RGPD3: variants seen among roughly 807,000 people sequenced by gnomAD.
The protein encoded by RGPD3 is RANBP2 like and GRIP domain containing 3.
RGPD3 carries 62 observed loss-of-function variants against 154.5 expected under a neutral mutation model. That is an observed-to-expected ratio of 0.40 (90% CI 0.33 to 0.50). The LOEUF is 0.50. RGPD3 is among the 20% of genes least tolerant of loss of function. The pLI is 0.59. For missense variants in RGPD3, 919 were observed against 1,716.8 expected (o/e 0.54, Z 8.21); for synonymous variants, 308 against 607.0 (o/e 0.51, Z 7.24).
intron 1 of RGPD3, among the ~76,000 whole-genome samples, chr2:106,461,408 G>A (rs1678400731): frequency 6.6e-6 from 1 of 152,214 alleles, no homozygotes; most frequent in Admixed American, 6.5e-5. Flanking sequence ...GTAACTAGCA[G>A]GTGGGGAGCA....
At position 106,424,297 on chromosome 2, in the gene RGPD3, A is replaced by G. The variant is rs772947675; in HGVS notation, c.3670T>C (p.Ser1224Pro). The G allele has an allele frequency of 5.1e-5, 83 of 1,611,816 alleles. No homozygotes were observed. The highest frequency in any genetic ancestry group is 6.9e-5 in the Non-Finnish European group (81 of 1,179,864). Residue 1224 changes from serine (S) to proline (P), a missense_variant, in exon 20 of 23, where the codon TCA becomes CCA. Physicochemically the swap from Ser to Pro is moderately conservative, Grantham distance 74 (BLOSUM62 -1). Coordinates refer to ENST00000409886, the MANE Select transcript of RGPD3 (RefSeq NM_001144013.2). Reference protein sequence around the residue: ...TKVAEEENKGSGTGAAGASDT... With the variant: ...TKVAEEENKGPGTGAAGASDT... ...GAGGCACCGGCCGCACCTGTACCTG[A>G]ACCCTTATTTTCTTCCTCAGCGACT...
At chr2:106,467,706 G>C (rs1678672707) in intron 1 of RGPD3, among the ~76,000 whole-genome samples, 6 of 143,818 alleles carry the variant, frequency 4.2e-5, no homozygotes, top group African/African-American at 1.6e-4. Context: ...CAGCCGCCGG[G>C]CCAGGTCGAG....
At chr2:106,411,647 T>A (rs1393023412) in intron 22 of RGPD3, among the ~76,000 whole-genome samples, 1 of 151,216 alleles carries the variant, frequency 6.6e-6, no homozygotes, top group African/African-American at 2.4e-5. Context: ...GCCAACATGG[T>A]GAAACCTCGT....
intron 21 of RGPD3, among the ~76,000 whole-genome samples, chr2:106,415,062 G>GC (rs771277202): frequency 6.6e-6 from 1 of 151,856 alleles, no homozygotes; most frequent in Non-Finnish European, 1.5e-5. Flanking sequence ...TTATCAGTGA[G>GC]CCAGGGTGGA....
At chr2:106,415,347 T>C (rs1676791974) in intron 21 of RGPD3, among the ~76,000 whole-genome samples, 2 of 151,840 alleles carry the variant, frequency 1.3e-5, no homozygotes, top group African/African-American at 4.8e-5. Context: ...TTAGGAAAAG[T>C]AGGAATTAAG....
chr2:106,418,765 A>T (rs1676891258), intron 20 of RGPD3, among the ~76,000 whole-genome samples: 3 of 148,254 alleles, frequency 2.0e-5, no homozygotes, highest in Admixed American at 6.8e-5. Context: ...ATGGGATTTC[A>T]CCATGTTGTT....
chr2:106,458,392 TACC>T, intron 2 of RGPD3, among the ~76,000 whole-genome samples: 1 of 146,516 alleles, frequency 6.8e-6, no homozygotes, highest in South Asian at 2.2e-4. Context: ...TTTCCTTTCT[TACC>T]AGCATTTCCA....
rs779037688 is a variant in RGPD3, at chr2:106,436,212, G to A, written c.1669C>T (p.Gln557Ter). ...GCTCTTAGAGTGTTTATTTCATGCTGAACTAGAAGTCTCAATTTTGCTGAG... is the reference window on the plus strand; with the variant it reads ...GCTCTTAGAGTGTTTATTTCATGCTAAACTAGAAGTCTCAATTTTGCTGAG... ...GNSAKLRLLV[Q>*]HEINTLRAQE... Residue 557 changes from glutamine to a stop codon, truncating the protein, a stop_gained, in exon 12 of 23, where the codon CAG becomes TAG. Transcript: ENST00000409886. LOFTEE classifies it high-confidence loss of function. 4.3e-6 allele frequency: 7 copies of A among 1,611,872 alleles called. No homozygotes were observed. In the South Asian group the frequency reaches 5.5e-5, roughly 13 times the overall value.
At chr2:106,445,493 A>T (rs1280366600) in intron 7 of RGPD3, among the ~76,000 whole-genome samples, 1 of 152,270 alleles carries the variant, frequency 6.6e-6, no homozygotes, top group African/African-American at 2.4e-5. Flanking sequence ...TTTTTAAAAG[A>T]TTTACAGGCC....
chr2:106,468,771 A>C (rs1386512917), upstream of RGPD3, among the ~76,000 whole-genome samples: 1 of 121,596 alleles, frequency 8.2e-6, no homozygotes, highest in Non-Finnish European at 1.6e-5. Flanking sequence ...GCCCCACTGT[A>C]CTCTAGCCTG....
intron 4 of RGPD3, among the ~76,000 whole-genome samples, chr2:106,455,040 C>A (rs1299938573): frequency 6.6e-6 from 1 of 152,102 alleles, no homozygotes; most frequent in Non-Finnish European, 1.5e-5. Context: ...GTGGCTCACA[C>A]CTGTAATCCC....
chr2:106,466,709 C>T (rs1013227125), intron 1 of RGPD3, among the ~76,000 whole-genome samples: 3 of 32,672 alleles, frequency 9.2e-5, no homozygotes, highest in African/African-American at 3.1e-4. Context: ...GCCGCCGGGC[C>T]GGGTCGAGGC....
intron 1 of RGPD3, among the ~76,000 whole-genome samples, chr2:106,466,612 C>G (rs1261448511): frequency 1.3e-3 from 42 of 32,580 alleles, no homozygotes; most frequent in African/African-American, 4.7e-3. Context: ...GGAGCCATGA[C>G]GCCTGAGCCA....
At chr2:106,449,522 A>G (rs1678044892) in intron 6 of RGPD3, among the ~76,000 whole-genome samples, 1 of 151,196 alleles carries the variant, frequency 6.6e-6, no homozygotes, top group African/African-American at 2.4e-5. Flanking sequence ...GGCTTATTAC[A>G]TTTTTAATGG....
upstream of RGPD3, chr2:106,470,682 T>C: frequency 1.0e-6 from 1 of 983,472 alleles, no homozygotes; most frequent in Non-Finnish European, 1.5e-6. Context: ...CACTTCTGTT[T>C]GAAAACATTT....
At position 106,405,282 on chromosome 2, in the gene RGPD3, A is replaced by G. The variant is rs1676477405; in HGVS notation, c.5267-53T>C. The G allele has an allele frequency of 1.3e-5, 21 of 1,562,950 alleles. 1 individual carries two copies. The South Asian group carries it at 2.2e-4, about 17-fold the overall frequency. ...AAAAAGAGAGTATTAAAATTTCTCAATGTAAAATCTATATTTTAGAACCAC... is the reference window on the plus strand; with the variant it reads ...AAAAAGAGAGTATTAAAATTTCTCAGTGTAAAATCTATATTTTAGAACCAC... On this transcript the variant is annotated intron_variant, in intron 22 of 22. Transcript: ENST00000409886.
Position 106,413,098 on chromosome 2 carries a change from G to A in RGPD3, c.5252C>T (p.Ala1751Val). ...CTTTTACCCACCTTGAGCAACCGCA[G>A]CAAGTTTTCCCTTTTCTTCAAGGCT... Reference protein sequence around the residue: ...QLSLEEKGKLAAVAQGEE With the variant: ...QLSLEEKGKLVAVAQGEE The change falls in exon 22 of 23, where the codon GCT (alanine) becomes GTT (valine). Residue 1751 changes from alanine to valine, a missense_variant. Coordinates refer to ENST00000409886, the MANE Select transcript of RGPD3 (RefSeq NM_001144013.2). The A allele has an allele frequency of 1.9e-6, 3 of 1,610,572 alleles. No individual in the cohort carries two copies. The highest frequency in any genetic ancestry group is 4.5e-4 in the Middle Eastern group (2 of 4,406).
chr2:106,441,863 CAAAAA>C (rs1166971652), intron 7 of RGPD3, among the ~76,000 whole-genome samples: 90 of 13,610 alleles, frequency 6.6e-3, no homozygotes, highest in African/African-American at 0.024. Context: ...GACTCCATCG[CAAAAA>C]AAAAAAAAAA....
chr2:106,459,358 C>T (rs537346924), intron 1 of RGPD3, 26 bp from the exon 2 acceptor site: 102 of 1,519,416 alleles, frequency 6.7e-5, no homozygotes, highest in African/African-American at 2.5e-4. Flanking sequence ...AGTTGTTTTA[C>T]GTTTCATACA....
Sources: gnomAD v4.1 joint callset for allele counts (sites outside exome capture counted in the v4.1 genomes callset) on GRCh38, gnomAD v4.1.1 for gene constraint, MANE v1.5 for transcripts, NCBI Gene and HGNC (gene_info 2026-07-23, HGNC 2026-07-21) for gene names.